GPR161: variants seen among roughly 807,000 people sequenced by gnomAD.
The protein encoded by GPR161 is G protein-coupled receptor 161.
A neutral mutation model predicts 39.2 loss-of-function variants in GPR161; 25 were observed. The observed-to-expected ratio is 0.64, with a 90% CI of 0.47 to 0.89. The LOEUF (loss-of-function observed/expected upper bound fraction) is 0.89. Ranked by LOEUF, GPR161 falls within the 40% of genes least tolerant of loss-of-function variation. The pLI, the probability that GPR161 is intolerant of heterozygous loss-of-function variation, is 0.00. For synonymous variants in GPR161, 286 were observed against 276.6 expected, an observed-to-expected ratio of 1.03 and a Z score of -0.34; for missense variants, 547 against 677.8, an observed-to-expected ratio of 0.81 and a Z score of 2.14.
At chr1:168,097,291 C>T (rs1264660976) in intron 2 of GPR161, 59 bp from the exon 3 acceptor site, 6 of 1,537,488 alleles carry the variant, frequency 3.9e-6, no homozygotes, top group Non-Finnish European at 5.3e-6. Context: ...AAAACCGCTG[C>T]CTTCCTGCGT....
At chr1:168,123,545 C>T (rs747115500) in intron 1 of GPR161, among the ~76,000 whole-genome samples, 1 of 86,570 alleles carries the variant, frequency 1.2e-5, no homozygotes, top group Non-Finnish European at 2.4e-5. Flanking sequence ...CATACACACA[C>T]ACACACACAC....
At chr1:168,137,327 A>G (rs1009033406), upstream of GPR161, 65 of 1,534,976 alleles carry the variant, frequency 4.2e-5, no homozygotes, top group Admixed American at 5.9e-5. Flanking sequence ...CAGGCTCCGC[A>G]CAGTCCCATT....
At chr1:168,124,935 G>A (rs907938983) in intron 1 of GPR161, among the ~76,000 whole-genome samples, 7 of 152,150 alleles carry the variant, frequency 4.6e-5, no homozygotes, top group Non-Finnish European at 1.0e-4. Context: ...CATGACTCTT[G>A]TCCAGTCTGC....
At position 168,096,993 on chromosome 1, in the gene GPR161, A is replaced by C; in HGVS notation, c.614T>G (p.Leu205Arg). 6.2e-7 allele frequency: 1 copy of C among 1,614,164 alleles called. No individual in the cohort carries two copies. Among genetic ancestry groups the C allele is most frequent in the Non-Finnish European group, 8.5e-7 (1 of 1,180,034 alleles). Residue 205 changes from leucine (L) to arginine (R), a missense_variant, in exon 3 of 6, where the codon CTG becomes CGG. Transcript: ENST00000682931. ...WCALFPFLVM[L>R]VCYGFIFRVA... ...GCGGAAGATGAAGCCATAGCACACC[A>C]GCATGACCAGAAAGGGGAAGAGGGC...
Position 168,136,206 on chromosome 1 carries a change from C to T in GPR161, c.-45+533G>A, listed in dbSNP as rs1572405736. 2.0e-5 allele frequency: 25 copies of T among 1,278,474 alleles called. No homozygotes were observed. In the East Asian group the frequency reaches 7.9e-4, roughly 40 times the overall value. 79.2% of individuals were successfully genotyped at this position (1,278,474 alleles called of 1,614,324 possible). A position where few individuals can be genotyped will look rare whatever the true frequency, so the allele number is the denominator to read the frequency against. On this transcript the variant is annotated intron_variant, in intron 1 of 5. Transcript: ENST00000682931. ...CTGGGCGCGCCACCCGCCGCCCGCCCAGGCTCGGGGAGACAGCGCCCTGAG... is the reference window on the plus strand; with the variant it reads ...CTGGGCGCGCCACCCGCCGCCCGCCTAGGCTCGGGGAGACAGCGCCCTGAG...
At chr1:168,133,164 G>A (rs1336688791) in intron 1 of GPR161, among the ~76,000 whole-genome samples, 2 of 152,176 alleles carry the variant, frequency 1.3e-5, no homozygotes, top group Non-Finnish European at 1.5e-5. Flanking sequence ...AGGAGTGGGA[G>A]GGAGATGTTG....
intron 1 of GPR161, among the ~76,000 whole-genome samples, chr1:168,110,431 T>C (rs6657019): frequency 0.36 from 52,284 of 145,318 alleles, 9,557 homozygotes; most frequent in Admixed American, 0.48. Flanking sequence ...CCCAGGAGGT[T>C]GAGGCTGCAG....
rs1696437823 is a variant in GPR161, at chr1:168,104,763, G to A, written c.88C>T (p.Gln30Ter). The A allele has an allele frequency of 6.2e-7, 1 of 1,613,970 alleles. No individual in the cohort carries two copies. The highest frequency in any genetic ancestry group is 8.5e-7 in the Non-Finnish European group (1 of 1,179,942). Reference sequence around the variant, plus strand: ...GTGATGACAATGATGGCGATGAACTGGGTGATGATGACGCCCCCTTCGCCA... The same window carrying A: ...GTGATGACAATGATGGCGATGAACTAGGTGATGATGACGCCCCCTTCGCCA... ...EGGEGGVIIT[Q>*]FIAIIVITIF... The change falls in exon 2 of 6, where the codon CAG becomes TAG. Residue 30 changes from glutamine to a stop codon, truncating the protein, a stop_gained. Transcript: ENST00000682931. LOFTEE classifies it high-confidence loss of function.
intron 5 of GPR161, among the ~76,000 whole-genome samples, chr1:168,086,432 T>G (rs1394950319): frequency 1.3e-5 from 2 of 152,212 alleles, no homozygotes; most frequent in Non-Finnish European, 2.9e-5. Context: ...TCTGGACATT[T>G]CAGGGGAACA....
intron 5 of GPR161, 25 bp from the exon 6 acceptor site, chr1:168,085,821 G>T: frequency 6.3e-7 from 1 of 1,594,208 alleles, no homozygotes. Context: ...AGAAAAAAAA[G>T]TCAGCTGAGG....
At chr1:168,096,439 C>T in intron 3 of GPR161, 69 bp downstream of exon 3, 10 of 1,504,542 alleles carry the variant, frequency 6.6e-6, no homozygotes, top group Non-Finnish European at 8.2e-6. Context: ...CACAAACAGG[C>T]CAGAGTGGCT....
chr1:168,133,961 G>T lies in GPR161; in HGVS notation c.-45+2778C>A, dbSNP rs74903240. 7.0e-3 allele frequency: 4,400 copies of T among 628,296 alleles called. 171 individuals are homozygous for T. In the African/African-American group the frequency reaches 0.079, roughly 11 times the overall value. 38.9% of individuals were successfully genotyped at this position (628,296 alleles called of 1,614,324 possible). A position where few individuals can be genotyped will look rare whatever the true frequency, so the allele number is the denominator to read the frequency against. On this transcript the variant is annotated intron_variant, in intron 1 of 5. Coordinates refer to ENST00000682931, the MANE Select transcript of GPR161 (RefSeq NM_001375883.1). ...ATTTACAGTGGTTATCTCAAAGGTG[G>T]GGAGAAGGAGTAGAGAAGAGGTGGA...
rs142792333 is a variant in GPR161 at position 168,119,270 on chromosome 1, G to GTATA, written c.-44-14380_-44-14377dup. Among the ~76,000 whole-genome samples the GTATA allele has an allele frequency of 1.1e-3, 116 of 108,200 alleles. 4 individuals carry two copies. The highest frequency in any genetic ancestry group is 3.6e-3 in the East Asian group (14 of 3,880). 71.0% of individuals were successfully genotyped at this position (108,200 alleles called of 152,430 possible). The stretch of plus-strand genomic sequence containing the variant: ...CATATATATATACGTATATATATGT[G>GTATA]TATATATATATATATATACACATAT... On this transcript the variant is annotated intron_variant, in intron 1 of 5. Coordinates refer to ENST00000682931, the MANE Select transcript of GPR161 (RefSeq NM_001375883.1).
intron 1 of GPR161, among the ~76,000 whole-genome samples, chr1:168,125,622 C>G (rs562698600): frequency 4.4e-5 from 6 of 137,506 alleles, no homozygotes; most frequent in Admixed American, 2.8e-4. Context: ...TGCTTCCCCC[C>G]CCTTTTTTTT....
In GPR161 at chr1:168,084,885, G is replaced by C. The variant is rs550948897; in HGVS notation, c.*646C>G. On this transcript the variant is annotated 3_prime_UTR_variant, in exon 6 of 6. Transcript: ENST00000682931. ...TGTCAGTAGGGAAGTAGGCAGGGTG[G>C]GCCAGTCTGCAAGAGGCCTGTGGCT... The C allele has an allele frequency of 6.8e-4, 310 of 456,232 alleles. 1 individual carries two copies. The highest frequency in any genetic ancestry group is 1.2e-3 in the Non-Finnish European group (275 of 226,956). 28.3% of individuals were successfully genotyped at this position (456,232 alleles called of 1,614,324 possible).
chr1:168,119,287 TAC>T lies in GPR161; in HGVS notation c.-44-14395_-44-14394del, dbSNP rs1384261746. Reference sequence around the variant, plus strand: ...ATATATGTGTATATATATATATATATACACATATATACATACGTACATACATA... The same window carrying T: ...ATATATGTGTATATATATATATATATACATATATACATACGTACATACATA... On this transcript the variant is annotated intron_variant, in intron 1 of 5. Transcript: ENST00000682931. Among the ~76,000 whole-genome samples, 109 of 135,836 alleles carry T rather than the reference TAC, an allele frequency of 8.0e-4. 4 individuals are homozygous for T. In the South Asian group the frequency reaches 0.019, roughly 23 times the overall value. The allele number at this position is 135,836 out of a possible 152,430, so 89.1% of individuals were successfully genotyped here. A position where few individuals can be genotyped will look rare whatever the true frequency, so the allele number is the denominator to read the frequency against.
intron 1 of GPR161, among the ~76,000 whole-genome samples, chr1:168,134,691 A>G (rs539168011): frequency 3.3e-5 from 5 of 152,322 alleles, no homozygotes; most frequent in Admixed American, 6.5e-5. Context: ...TTAAAAATAT[A>G]TGAAGCTTGT....
chr1:168,137,135 C>G (rs1436116014), upstream of GPR161: 50 of 1,251,212 alleles, frequency 4.0e-5, no homozygotes, highest in Middle Eastern at 3.0e-4. Context: ...CACGAACAGC[C>G]TCGGCTGCTG....
intron 4 of GPR161, 141 bp from the exon 5 acceptor site, chr1:168,087,845 C>G: frequency 1.2e-6 from 1 of 800,390 alleles, no homozygotes; most frequent in Non-Finnish European, 1.9e-6. Context: ...CGCCGCAGCA[C>G]GTGCCCAAGA....
Sources: gnomAD v4.1 joint callset for allele counts (sites outside exome capture counted in the v4.1 genomes callset) on GRCh38, gnomAD v4.1.1 for gene constraint, MANE v1.5 for transcripts, NCBI Gene and HGNC (gene_info 2026-07-23, HGNC 2026-07-21) for gene names.